SUGCT: variants seen among roughly 807,000 people sequenced by gnomAD.
SUGCT encodes succinyl-CoA:glutarate CoA-transferase.
Under a neutral mutation model 55.0 loss-of-function variants are expected in SUGCT, and 41 were observed. That is an observed-to-expected ratio of 0.74 (90% confidence interval 0.58 to 0.97). The LOEUF is 0.97. SUGCT is among the 50% of genes least tolerant of loss of function. The pLI, the probability that SUGCT is intolerant of heterozygous loss-of-function variation, is 0.00. For missense variants in SUGCT, 568 were observed against 547.8 expected (o/e 1.04, Z -0.37); for synonymous variants, 187 against 200.4 (o/e 0.93, Z 0.56).
intron 13 of SUGCT, among the ~76,000 whole-genome samples, chr7:40,786,508 C>T (rs1790021666): frequency 6.6e-6 from 1 of 152,114 alleles, no homozygotes; most frequent in Non-Finnish European, 1.5e-5. Flanking sequence ...TATTCATAGA[C>T]TAGAAATTAA....
At chr7:40,495,381 A>T (rs756693180) in intron 11 of SUGCT, among the ~76,000 whole-genome samples, 2 of 152,062 alleles carry the variant, frequency 1.3e-5, no homozygotes, top group Admixed American at 6.6e-5. Flanking sequence ...ATATTAGTAA[A>T]ACATTTTAGT....
chr7:40,754,822 A>G (rs962832005), intron 13 of SUGCT, among the ~76,000 whole-genome samples: 6 of 152,216 alleles, frequency 3.9e-5, no homozygotes, highest in African/African-American at 1.4e-4. Context: ...GGTATCTTTG[A>G]TGACCTATTT....
chr7:40,861,617 A>T (rs898107684), downstream of SUGCT, among the ~76,000 whole-genome samples: 19 of 152,250 alleles, frequency 1.2e-4, no homozygotes, highest in Non-Finnish European at 2.1e-4. Context: ...ACTGTGATTT[A>T]AAACTCATTT....
chr7:40,525,657 A>C (rs1793757233), intron 12 of SUGCT, among the ~76,000 whole-genome samples: 1 of 152,146 alleles, frequency 6.6e-6, no homozygotes, highest in Non-Finnish European at 1.5e-5. Context: ...ATGAATACTT[A>C]ACAAGCATAA....
chr7:40,461,138 A>G (rs910832570), intron 11 of SUGCT, among the ~76,000 whole-genome samples: 2 of 152,226 alleles, frequency 1.3e-5, no homozygotes, highest in Non-Finnish European at 2.9e-5. Context: ...TGACCTGGGA[A>G]GATTAGAATT....
chr7:40,660,891 T>C (rs1801269279), intron 12 of SUGCT, among the ~76,000 whole-genome samples: 1 of 152,164 alleles, frequency 6.6e-6, no homozygotes, highest in African/African-American at 2.4e-5. Context: ...CTGGCCTGGA[T>C]TCCCGTCCCA....
At chr7:40,930,336 G>A in the SUGCT span, among the ~76,000 whole-genome samples, 6 of 152,174 alleles carry the variant, frequency 3.9e-5, no homozygotes, top group African/African-American at 1.4e-4. Context: ...TTATAGTATT[G>A]TTTGAAGTTA....
intron 12 of SUGCT, among the ~76,000 whole-genome samples, chr7:40,638,805 G>A (rs1388842806): frequency 6.6e-6 from 1 of 152,152 alleles, no homozygotes; most frequent in Non-Finnish European, 1.5e-5. Flanking sequence ...ACTGGGTGAA[G>A]GAGAGGGAGT....
At chr7:40,860,091 G>A (rs1563054897) in intron 13 of SUGCT, among the ~76,000 whole-genome samples, 1 of 152,202 alleles carries the variant, frequency 6.6e-6, no homozygotes, top group Non-Finnish European at 1.5e-5. Flanking sequence ...CCCACTGCAT[G>A]GTGATGAGCG....
intron 12 of SUGCT, among the ~76,000 whole-genome samples, chr7:40,501,679 T>C (rs1792288746): frequency 6.6e-6 from 1 of 152,072 alleles, no homozygotes; most frequent in South Asian, 2.1e-4. Context: ...ACATCCACTA[T>C]GTGTATGGTC....
intron 1 of SUGCT, among the ~76,000 whole-genome samples, chr7:40,170,948 G>A (rs1270078151): frequency 3.9e-5 from 6 of 152,078 alleles, no homozygotes; most frequent in East Asian, 1.9e-4. Context: ...TTGCCTTTGC[G>A]CTCAGGGGTG....
chr7:40,810,132 T>A (rs945999686), intron 13 of SUGCT, among the ~76,000 whole-genome samples: 1 of 152,078 alleles, frequency 6.6e-6, no homozygotes, highest in Non-Finnish European at 1.5e-5. Flanking sequence ...TCTTTTCTTT[T>A]TTTTTTTCTT....
chr7:40,845,402 G>A (rs540816181), intron 13 of SUGCT, among the ~76,000 whole-genome samples: 7 of 152,174 alleles, frequency 4.6e-5, no homozygotes, highest in East Asian at 3.9e-4. Context: ...CAGGTCCAGC[G>A]GAGAGTAAGT....
At chr7:40,657,611 T>A (rs1476892501) in intron 12 of SUGCT, among the ~76,000 whole-genome samples, 1 of 152,012 alleles carries the variant, frequency 6.6e-6, no homozygotes, top group East Asian at 1.9e-4. Context: ...CTCGGCTCAC[T>A]GCAACCTCTG....
chr7:40,857,304 C>T (rs1353701890), intron 13 of SUGCT, among the ~76,000 whole-genome samples: 2 of 152,010 alleles, frequency 1.3e-5, no homozygotes. Flanking sequence ...GAGGGATGTC[C>T]CTGCTATTAT....
intron 9 of SUGCT, among the ~76,000 whole-genome samples, chr7:40,425,003 A>G (rs573441456): frequency 9.9e-5 from 15 of 152,278 alleles, no homozygotes; most frequent in African/African-American, 3.4e-4. Flanking sequence ...GTCTTTATAA[A>G]ATAGCATTAC....
At chr7:40,669,609 A>C (rs1011910362) in intron 12 of SUGCT, among the ~76,000 whole-genome samples, 3 of 151,402 alleles carry the variant, frequency 2.0e-5, no homozygotes, top group African/African-American at 7.2e-5. Context: ...ACATTTTAGA[A>C]CTGAAAAATA....
At position 40,304,251 on chromosome 7, in the gene SUGCT, A is replaced by G. The variant is rs555022759; in HGVS notation, c.721-12509A>G. The stretch of plus-strand genomic sequence containing the variant: ...GGAACAGCCCCTTGGGCTCCACGAA[A>G]TAATGAAAGAAATCTGTAGAAGTTA... On this transcript the variant is annotated intron_variant, in intron 8 of 13. Coordinates refer to ENST00000335693, the MANE Select transcript of SUGCT (RefSeq NM_001193313.2). 2.0e-5 allele frequency among the ~76,000 whole-genome samples: 3 copies of G among 152,182 alleles called. No individual in the cohort carries two copies. In the East Asian group the frequency reaches 5.8e-4, roughly 29 times the overall value.
At chr7:41,021,372 T>C in the SUGCT span, among the ~76,000 whole-genome samples, 5 of 152,338 alleles carry the variant, frequency 3.3e-5, no homozygotes, top group African/African-American at 1.2e-4. Context: ...ATATATGTTT[T>C]TTAAAGTGCC....
Sources: allele counts gnomAD v4.1 joint callset (sites outside exome capture counted in the v4.1 genomes callset), GRCh38; gene constraint gnomAD v4.1.1; transcripts MANE v1.5; gene names NCBI Gene and HGNC (gene_info 2026-07-23, HGNC 2026-07-21).